Variants in ERI3 observed in about 807,000 individuals in gnomAD.
ERI3 encodes ERI1 exoribonuclease family member 3.
Under a neutral mutation model 44.4 loss-of-function variants are expected in ERI3, and 18 were observed. The observed-to-expected ratio is 0.41, with a 90% CI of 0.28 to 0.60. The LOEUF (loss-of-function observed/expected upper bound fraction) is 0.60. ERI3 is among the 20% of genes least tolerant of loss of function. The probability of loss-of-function intolerance (pLI) is 0.36; values close to 1 mark genes in which losing one functional copy is unlikely to be tolerated. For synonymous variants in ERI3, 183 were observed against 164.8 expected, an observed-to-expected ratio of 1.11 and a Z score of -0.84; for missense variants, 294 against 435.5, an observed-to-expected ratio of 0.68 and a Z score of 2.89.
At chr1:44,351,928 T>C (rs1211121415) in intron 2 of ERI3, among the ~76,000 whole-genome samples, 1 of 152,214 alleles carries the variant, frequency 6.6e-6, no homozygotes, top group Admixed American at 6.5e-5. Flanking sequence ...TCTACAAGTC[T>C]GGGTTAGAGA....
At chr1:44,339,444 T>C in intron 2 of ERI3, 122 bp from the exon 3 acceptor site, 1 of 1,071,570 alleles carries the variant, frequency 9.3e-7, no homozygotes, top group South Asian at 2.1e-5. Context: ...TTCAGGAATA[T>C]CCACGCAACA....
intron 8 of ERI3, among the ~76,000 whole-genome samples, chr1:44,247,608 G>A (rs1644581893): frequency 6.6e-6 from 1 of 152,118 alleles, no homozygotes; most frequent in Admixed American, 6.5e-5. Context: ...ATGGGGGGTG[G>A]GTAAGCTGAC....
intron 3 of ERI3, among the ~76,000 whole-genome samples, chr1:44,332,171 A>G (rs1235956878): frequency 6.6e-6 from 1 of 152,054 alleles, no homozygotes; most frequent in Non-Finnish European, 1.5e-5. Flanking sequence ...CGGTTTTTTT[A>G]TGTCCAACAA....
chr1:44,240,859 AG>A (rs1052829952), intron 8 of ERI3, among the ~76,000 whole-genome samples: 3 of 152,206 alleles, frequency 2.0e-5, no homozygotes, highest in Admixed American at 1.3e-4. Flanking sequence ...GGGCAGCCCC[AG>A]GGGGCACAGC....
At chr1:44,224,558 C>T (rs1643989210) in intron 8 of ERI3, among the ~76,000 whole-genome samples, 1 of 152,206 alleles carries the variant, frequency 6.6e-6, no homozygotes, top group Non-Finnish European at 1.5e-5. Context: ...ATTGTGAGGA[C>T]CAAACAAGGT....
At chr1:44,255,430 T>G (rs551440520) in intron 7 of ERI3, among the ~76,000 whole-genome samples, 2 of 152,296 alleles carry the variant, frequency 1.3e-5, no homozygotes, top group East Asian at 3.9e-4. Flanking sequence ...CTGTATAGTC[T>G]CCTCTGCATT....
At chr1:44,291,707 TCAGA>T (rs767313743) in intron 6 of ERI3, among the ~76,000 whole-genome samples, 15 of 152,278 alleles carry the variant, frequency 9.9e-5, no homozygotes, top group African/African-American at 3.6e-4. Context: ...GAATAACCCC[TCAGA>T]CAGAGAGTCC....
At chr1:44,277,414 C>T (rs1050615182) in intron 7 of ERI3, among the ~76,000 whole-genome samples, 5 of 152,188 alleles carry the variant, frequency 3.3e-5, no homozygotes, top group Non-Finnish European at 7.3e-5. Flanking sequence ...CCCGCTTTAA[C>T]CCCTACTTGC....
chr1:44,224,004 A>C (rs1238067177), intron 8 of ERI3, among the ~76,000 whole-genome samples: 1 of 152,164 alleles, frequency 6.6e-6, no homozygotes, highest in Non-Finnish European at 1.5e-5. Context: ...TCACCCTGCT[A>C]TGTTCTCCAT....
At chr1:44,351,923 A>T (rs1297466776) in intron 2 of ERI3, among the ~76,000 whole-genome samples, 1 of 152,118 alleles carries the variant, frequency 6.6e-6, no homozygotes, top group African/African-American at 2.4e-5. Flanking sequence ...CTGAGTCTAC[A>T]AGTCTGGGTT....
intron 2 of ERI3, among the ~76,000 whole-genome samples, chr1:44,351,568 T>C (rs1646890366): frequency 6.6e-6 from 1 of 152,214 alleles, no homozygotes; most frequent in South Asian, 2.1e-4. Flanking sequence ...AGTTGAGAAG[T>C]TGTGACAGAG....
At chr1:44,280,955 G>A (rs1402174387) in intron 7 of ERI3, among the ~76,000 whole-genome samples, 1 of 152,166 alleles carries the variant, frequency 6.6e-6, no homozygotes, top group African/African-American at 2.4e-5. Context: ...CAGAGCGATG[G>A]GGGTAGAGCA....
intron 2 of ERI3, among the ~76,000 whole-genome samples, chr1:44,351,965 A>G (rs1646899686): frequency 6.6e-6 from 1 of 152,134 alleles, no homozygotes. Flanking sequence ...CAAAGCCTCT[A>G]CACTTCCCTT....
chr1:44,269,659 G>A (rs1645053237), intron 7 of ERI3, among the ~76,000 whole-genome samples: 2 of 152,234 alleles, frequency 1.3e-5, no homozygotes, highest in African/African-American at 4.8e-5. Flanking sequence ...CCCATTCACT[G>A]ACTTTCATTG....
At chr1:44,275,647 A>G (rs1645166698) in intron 7 of ERI3, among the ~76,000 whole-genome samples, 1 of 152,144 alleles carries the variant, frequency 6.6e-6, no homozygotes. Context: ...TCCTCTTCGG[A>G]GCACCCAGAA....
At chr1:44,318,760 G>A (rs1221814762) in intron 4 of ERI3, among the ~76,000 whole-genome samples, 6 of 152,190 alleles carry the variant, frequency 3.9e-5, no homozygotes, top group Non-Finnish European at 8.8e-5. Flanking sequence ...TAGAAGATAG[G>A]TCTCTAAATG....
At chr1:44,256,388 C>G (rs951955390) in intron 7 of ERI3, among the ~76,000 whole-genome samples, 1 of 152,162 alleles carries the variant, frequency 6.6e-6, no homozygotes, top group Middle Eastern at 3.2e-3. Context: ...TCCCCCAACC[C>G]ATTCCTCGGG....
intron 8 of ERI3, among the ~76,000 whole-genome samples, chr1:44,231,285 ATACT>A (rs1644177504): frequency 6.6e-6 from 1 of 152,082 alleles, no homozygotes; most frequent in Non-Finnish European, 1.5e-5. Flanking sequence ...ACCTGTCTGT[ATACT>A]TTTTTTTTCA....
intron 6 of ERI3, among the ~76,000 whole-genome samples, chr1:44,292,115 A>G (rs1645519412): frequency 6.6e-6 from 1 of 152,218 alleles, no homozygotes; most frequent in South Asian, 2.1e-4. Context: ...CAAACCTGTA[A>G]TGGCCTTTGG....
Sources: allele counts gnomAD v4.1 joint callset (sites outside exome capture counted in the v4.1 genomes callset), GRCh38; gene constraint gnomAD v4.1.1; transcripts MANE v1.5; gene names NCBI Gene and HGNC (gene_info 2026-07-23, HGNC 2026-07-21).